NEK10: variants seen among roughly 807,000 people sequenced by gnomAD.
The protein encoded by NEK10 is serine/threonine-protein kinase Nek10.
NEK10 carries 122 observed loss-of-function variants against 159.8 expected under a neutral mutation model. The ratio of observed to expected loss-of-function variants is 0.76; its 90% CI spans 0.66 to 0.89. The LOEUF is 0.89. Among genes scored for constraint, NEK10 ranks in the 40% least tolerant of loss-of-function variants. The pLI, the probability that NEK10 is intolerant of heterozygous loss-of-function variation, is 0.00. For synonymous variants in NEK10, 466 were observed against 457.1 expected, an observed-to-expected ratio of 1.02 and a Z score of -0.25; for missense variants, 1,342 against 1,323.1, an observed-to-expected ratio of 1.01 and a Z score of -0.22.
At chr3:27,119,715 A>G (rs752645068) in intron 33 of NEK10, 45 bp downstream of exon 33, 2 of 1,407,150 alleles carry the variant, frequency 1.4e-6, no homozygotes, top group African/African-American at 2.8e-5. Flanking sequence ...TCCAAACAAT[A>G]TATTTCTTCA....
chr3:27,300,196 TG>T (rs1359654796), intron 13 of NEK10, among the ~76,000 whole-genome samples: 1 of 152,170 alleles, frequency 6.6e-6, no homozygotes, highest in Non-Finnish European at 1.5e-5. Context: ...GATTGAATTA[TG>T]GGGGTGGGTC....
At chr3:27,289,239 A>C (rs1439143665) in intron 19 of NEK10, among the ~76,000 whole-genome samples, 1 of 152,216 alleles carries the variant, frequency 6.6e-6, no homozygotes, top group Non-Finnish European at 1.5e-5. Flanking sequence ...GTTCCGTGAA[A>C]GAGAAATAAC....
chr3:27,301,217 G>T (rs954975729), intron 13 of NEK10, among the ~76,000 whole-genome samples: 2 of 152,210 alleles, frequency 1.3e-5, no homozygotes, highest in East Asian at 3.9e-4. Context: ...GCTCCTGCTT[G>T]CATGTGAAAA....
intron 31 of NEK10, among the ~76,000 whole-genome samples, chr3:27,134,236 A>C (rs1193900156): frequency 1.3e-5 from 2 of 152,200 alleles, no homozygotes; most frequent in Non-Finnish European, 2.9e-5. Flanking sequence ...GGTGAGGAGC[A>C]TGTGCATGTA....
At chr3:27,244,633 C>A (rs1954882858) in intron 23 of NEK10, among the ~76,000 whole-genome samples, 1 of 152,140 alleles carries the variant, frequency 6.6e-6, no homozygotes, top group Admixed American at 6.5e-5. Flanking sequence ...CCCTCTGCAA[C>A]CCTGCAGCCT....
chr3:27,284,019 A>G (rs1053322942), intron 22 of NEK10, among the ~76,000 whole-genome samples: 1 of 152,224 alleles, frequency 6.6e-6, no homozygotes, highest in Non-Finnish European at 1.5e-5. Context: ...AATATAGCTC[A>G]GTCATTTAGA....
At chr3:27,128,554 A>G (rs1942238672) in intron 32 of NEK10, among the ~76,000 whole-genome samples, 1 of 152,154 alleles carries the variant, frequency 6.6e-6, no homozygotes, top group Non-Finnish European at 1.5e-5. Flanking sequence ...GGCAGAATAA[A>G]AGCTTTCTTC....
At chr3:27,201,602 G>C in intron 24 of NEK10, 22 bp from the exon 25 acceptor site, 2 of 1,594,132 alleles carry the variant, frequency 1.3e-6, no homozygotes, top group South Asian at 2.2e-5. Flanking sequence ...ACAGACTAGA[G>C]TGATGGAAGT....
intron 21 of NEK10, 63 bp from the exon 22 acceptor site, chr3:27,284,767 T>A: frequency 3.3e-6 from 5 of 1,512,548 alleles, no homozygotes; most frequent in Non-Finnish European, 4.6e-6. Flanking sequence ...CAAAGATGAC[T>A]ACTGCACGTC....
At chr3:27,202,700 A>T in intron 23 of NEK10, 143 bp from the exon 24 acceptor site, 2 of 1,167,382 alleles carry the variant, frequency 1.7e-6, no homozygotes, top group Non-Finnish European at 2.3e-6. Flanking sequence ...GATATCAAAA[A>T]GTCTGTTTGA....
At chr3:27,242,862 C>A (rs1954706208) in intron 23 of NEK10, among the ~76,000 whole-genome samples, 1 of 151,984 alleles carries the variant, frequency 6.6e-6, no homozygotes, top group South Asian at 2.1e-4. Context: ...AACTTAACTG[C>A]CAAATGTGAG....
intron 32 of NEK10, among the ~76,000 whole-genome samples, chr3:27,125,997 A>G (rs1244378731): frequency 1.3e-5 from 2 of 152,146 alleles, no homozygotes; most frequent in Non-Finnish European, 2.9e-5. Flanking sequence ...GAGCTTCTCT[A>G]CTTGTTCAAA....
At position 27,119,866 on chromosome 3, in the gene NEK10, T is replaced by C; in HGVS notation, c.3084A>G (p.Leu1028=). The C allele has an allele frequency of 1.2e-6, 2 of 1,612,628 alleles. No individual in the cohort carries two copies. The highest frequency in any genetic ancestry group is 8.5e-7 in the Non-Finnish European group (1 of 1,178,696). Residue 1028 remains leucine (L), a splice_region_variant and synonymous_variant, in exon 33 of 36, where the codon TTA becomes TTG. Transcript: ENST00000691995. Reference sequence around the variant, plus strand: ...CAATCGGTTCTGGAGATCCCTGAGATAACTGAAATAGAAAAAGCAAAATCA... The same window carrying C: ...CAATCGGTTCTGGAGATCCCTGAGACAACTGAAATAGAAAAAGCAAAATCA... The part of the protein sequence containing the change: ...PCNLKSEIKK[L]SQGSPEPIEP...
At chr3:27,163,463 T>G (rs964635367) in intron 29 of NEK10, among the ~76,000 whole-genome samples, 4 of 152,122 alleles carry the variant, frequency 2.6e-5, no homozygotes, top group Non-Finnish European at 5.9e-5. Flanking sequence ...GCCATTCTCC[T>G]GCCTCAGCCT....
chr3:27,177,342 G>C (rs1947614800), intron 26 of NEK10, among the ~76,000 whole-genome samples: 1 of 152,066 alleles, frequency 6.6e-6, no homozygotes, highest in Non-Finnish European at 1.5e-5. Context: ...AGGAGATCAA[G>C]ATCATCCTGG....
At chr3:27,122,248 C>G (rs531603071) in intron 32 of NEK10, among the ~76,000 whole-genome samples, 1 of 152,040 alleles carries the variant, frequency 6.6e-6, no homozygotes, top group South Asian at 2.1e-4. Context: ...TCTCTCCTGC[C>G]GCCCAGTGAA....
intron 32 of NEK10, among the ~76,000 whole-genome samples, chr3:27,128,691 C>G (rs1942262533): frequency 6.6e-6 from 1 of 151,212 alleles, no homozygotes; most frequent in African/African-American, 2.4e-5. Flanking sequence ...TTATTTAATG[C>G]TTTCAATTTA....
intron 29 of NEK10, among the ~76,000 whole-genome samples, chr3:27,170,663 C>A (rs1469353032): frequency 2.0e-5 from 3 of 152,094 alleles, no homozygotes; most frequent in Non-Finnish European, 4.4e-5. Flanking sequence ...ACCTGGAAGG[C>A]AGAGGTTGCA....
chr3:27,357,969 T>C (rs1181488507), intron 1 of NEK10, among the ~76,000 whole-genome samples: 1 of 152,192 alleles, frequency 6.6e-6, no homozygotes, highest in Non-Finnish European at 1.5e-5. Context: ...GGGTTCTGCA[T>C]ACAGTTTCAT....
Sources: gnomAD v4.1 joint callset for allele counts (sites outside exome capture counted in the v4.1 genomes callset) on GRCh38, gnomAD v4.1.1 for gene constraint, MANE v1.5 for transcripts, NCBI Gene and HGNC (gene_info 2026-07-23, HGNC 2026-07-21) for gene names.